The following PTPRM variants were observed in gnomAD, a reference collection of about 807,000 sequenced individuals.
PTPRM encodes the protein protein tyrosine phosphatase receptor type M.
A neutral mutation model predicts 186.7 loss-of-function variants in PTPRM; 47 were observed. The ratio of observed to expected loss-of-function variants is 0.25; its 90% CI spans 0.20 to 0.32. The LOEUF (loss-of-function observed/expected upper bound fraction) is 0.32. PTPRM is among the 10% of genes least tolerant of loss of function. The pLI, the probability that PTPRM is intolerant of heterozygous loss-of-function variation, is 1.00. For missense variants in PTPRM, 1,494 were observed against 1,865.0 expected, an observed-to-expected ratio of 0.80 and a Z score of 3.66; for synonymous variants, 668 against 674.9, an observed-to-expected ratio of 0.99 and a Z score of 0.16.
At chr18:7,830,850 A>G (rs1423655323) in intron 2 of PTPRM, among the ~76,000 whole-genome samples, 1 of 152,242 alleles carries the variant, frequency 6.6e-6, no homozygotes, top group East Asian at 1.9e-4. Flanking sequence ...ACCTGGTCCA[A>G]TATATTTCCC....
intron 2 of PTPRM, among the ~76,000 whole-genome samples, chr18:7,878,498 C>T (rs1439139113): frequency 2.0e-5 from 3 of 152,194 alleles, no homozygotes; most frequent in Non-Finnish European, 4.4e-5. Flanking sequence ...GGGATGTCAA[C>T]AGAACCCTTG....
At chr18:8,259,775 G>A (rs571547168) in intron 19 of PTPRM, among the ~76,000 whole-genome samples, 1 of 152,056 alleles carries the variant, frequency 6.6e-6, no homozygotes, top group Admixed American at 6.5e-5. Context: ...AGCCTCCCAA[G>A]TAGCTGGAGC....
At chr18:8,324,120 T>C (rs1402180274) in intron 22 of PTPRM, among the ~76,000 whole-genome samples, 2 of 152,190 alleles carry the variant, frequency 1.3e-5, no homozygotes, top group African/African-American at 4.8e-5. Context: ...AGTTCTACTT[T>C]TTAAAAAACC....
intron 29 of PTPRM, 27 bp from the exon 30 acceptor site, chr18:8,384,534 C>A: frequency 2.5e-6 from 4 of 1,612,834 alleles, no homozygotes; most frequent in Non-Finnish European, 3.4e-6. Flanking sequence ...TTATAACTAA[C>A]CTTGTGTTTA....
chr18:8,164,570 A>G (rs1311990944), intron 14 of PTPRM, among the ~76,000 whole-genome samples: 5 of 152,228 alleles, frequency 3.3e-5, no homozygotes, highest in Non-Finnish European at 5.9e-5. Context: ...CCTTGAGGAC[A>G]TCATGCTACA....
chr18:7,895,484 C>G (rs575514246), intron 3 of PTPRM, among the ~76,000 whole-genome samples: 8 of 152,300 alleles, frequency 5.3e-5, no homozygotes, highest in African/African-American at 1.7e-4. Context: ...TCAGAACATT[C>G]CAGACCTGCT....
intron 14 of PTPRM, among the ~76,000 whole-genome samples, chr18:8,215,447 G>A (rs776762451): frequency 1.2e-4 from 18 of 151,382 alleles, no homozygotes; most frequent in South Asian, 6.3e-4. Flanking sequence ...ATTGTTCAGA[G>A]TCATTCTGGT....
chr18:8,061,416 G>A (rs1386358267), intron 7 of PTPRM, among the ~76,000 whole-genome samples: 3 of 142,238 alleles, frequency 2.1e-5, no homozygotes, highest in Non-Finnish European at 4.5e-5. Context: ...GATCCAACTT[G>A]CCAGTGTGTG....
intron 1 of PTPRM, among the ~76,000 whole-genome samples, chr18:7,729,441 A>T (rs1274958239): frequency 6.6e-6 from 1 of 152,114 alleles, no homozygotes; most frequent in African/African-American, 2.4e-5. Context: ...TTTGAGTGTT[A>T]TATTATCTCT....
At chr18:7,572,324 A>C (rs1305997701) in intron 1 of PTPRM, among the ~76,000 whole-genome samples, 3 of 152,200 alleles carry the variant, frequency 2.0e-5, no homozygotes, top group Non-Finnish European at 2.9e-5. Flanking sequence ...TTATGTCTTC[A>C]GATTATATAA....
chr18:7,945,844 A>C (rs528706081), intron 5 of PTPRM, among the ~76,000 whole-genome samples: 1 of 152,334 alleles, frequency 6.6e-6, no homozygotes, highest in African/African-American at 2.4e-5. Context: ...CCATGCACAC[A>C]TGAATGGTTT....
intron 7 of PTPRM, among the ~76,000 whole-genome samples, chr18:7,993,106 CA>C (rs1169476135): frequency 2.0e-5 from 3 of 151,374 alleles, no homozygotes; most frequent in Non-Finnish European, 4.4e-5. Flanking sequence ...ACACCTTCAG[CA>C]GTGGATTAGG....
intron 2 of PTPRM, among the ~76,000 whole-genome samples, chr18:7,852,324 TC>T (rs1454026039): frequency 7.9e-5 from 12 of 152,248 alleles, no homozygotes; most frequent in African/African-American, 2.9e-4. Context: ...TACTTGTAAT[TC>T]CAGTGTTTTA....
intron 1 of PTPRM, among the ~76,000 whole-genome samples, chr18:7,574,125 T>G (rs1260157643): frequency 3.9e-5 from 6 of 152,112 alleles, no homozygotes; most frequent in Non-Finnish European, 8.8e-5. Context: ...TGACAAGAGC[T>G]GAAAGAGAAC....
chr18:7,605,356 T>C (rs1444558100), intron 1 of PTPRM, among the ~76,000 whole-genome samples: 3 of 152,126 alleles, frequency 2.0e-5, no homozygotes, highest in African/African-American at 7.2e-5. Flanking sequence ...ATTTTGATGA[T>C]AAATTCTTAG....
intron 14 of PTPRM, among the ~76,000 whole-genome samples, chr18:8,183,114 T>C (rs1040697751): frequency 6.6e-6 from 1 of 152,226 alleles, no homozygotes; most frequent in Non-Finnish European, 1.5e-5. Flanking sequence ...TTCAAAACTT[T>C]CTTTGTTTTC....
intron 14 of PTPRM, among the ~76,000 whole-genome samples, chr18:8,155,282 G>T (rs1260964037): frequency 6.6e-6 from 1 of 151,974 alleles, no homozygotes; most frequent in South Asian, 2.1e-4. Context: ...TTATATTTAC[G>T]ATTGTTTCTA....
chr18:7,590,424 A>G (rs2037095248), intron 1 of PTPRM, among the ~76,000 whole-genome samples: 1 of 152,280 alleles, frequency 6.6e-6, no homozygotes, highest in East Asian at 1.9e-4. Flanking sequence ...GAGGGTGGAA[A>G]GATGGTCACT....
chr18:7,836,270 T>C (rs2046044404), intron 2 of PTPRM, among the ~76,000 whole-genome samples: 1 of 152,178 alleles, frequency 6.6e-6, no homozygotes. Context: ...TGTATGTTTT[T>C]TGATTTAAAG....
Sources: gnomAD v4.1 joint callset for allele counts (sites outside exome capture counted in the v4.1 genomes callset) on GRCh38, gnomAD v4.1.1 for gene constraint, MANE v1.5 for transcripts, NCBI Gene and HGNC (gene_info 2026-07-23, HGNC 2026-07-21) for gene names.